The following NR2F1-AS1 variants were observed in gnomAD, a reference collection of about 807,000 sequenced individuals.
NR2F1-AS1 encodes NR2F1 antisense RNA 1.
At chr5:93,422,719 C>T (rs888271341) in intron 4 of NR2F1-AS1, among the ~76,000 whole-genome samples, 2 of 152,154 alleles carry the variant, frequency 1.3e-5, no homozygotes, top group African/African-American at 4.8e-5. Flanking sequence ...GTGTCCCCTA[C>T]CTCAGTAAAC....
At chr5:93,468,299 G>A (rs1350280159) in intron 4 of NR2F1-AS1, among the ~76,000 whole-genome samples, 1 of 151,940 alleles carries the variant, frequency 6.6e-6, no homozygotes, top group African/African-American at 2.4e-5. Context: ...TTCTCCACAT[G>A]CTCTCCAGCA....
At chr5:93,467,541 A>G (rs1223772449) in intron 4 of NR2F1-AS1, among the ~76,000 whole-genome samples, 1 of 152,198 alleles carries the variant, frequency 6.6e-6, no homozygotes, top group African/African-American at 2.4e-5. Context: ...AGTCCCAACT[A>G]CTGCCATCAA....
intron 4 of NR2F1-AS1, among the ~76,000 whole-genome samples, chr5:93,531,804 C>T (rs975290639): frequency 1.4e-4 from 21 of 152,174 alleles, no homozygotes; most frequent in Admixed American, 8.5e-4. Context: ...ACTAGTAAGG[C>T]AGACTAACAC....
At chr5:93,515,848 T>C (rs1451386152) in intron 4 of NR2F1-AS1, among the ~76,000 whole-genome samples, 1 of 151,956 alleles carries the variant, frequency 6.6e-6, no homozygotes, top group Non-Finnish European at 1.5e-5. Context: ...TTTTTACTTA[T>C]TTATGGTTAA....
In NR2F1-AS1 at chr5:93,413,600, A is replaced by G. The variant is rs868445332; in HGVS notation, n.639-18058T>C. 3.9e-5 allele frequency among the ~76,000 whole-genome samples: 6 copies of G among 152,180 alleles called. No homozygotes were observed. In the South Asian group the frequency reaches 1.0e-3, roughly 26 times the overall value. On this transcript the variant is annotated intron_variant and non_coding_transcript_variant, in intron 4 of 5. Transcript: ENST00000660523. The stretch of plus-strand genomic sequence containing the variant: ...GGGGTAGGAGGGCCAGGGCCCAGGT[A>G]GGCTAAGAACGTATGTGCATGTATT...
rs951304222 is a variant in NR2F1-AS1, at chr5:93,491,451, AT to A, written n.638+62309del. On this transcript the variant is annotated intron_variant and non_coding_transcript_variant, in intron 4 of 5. Coordinates refer to ENST00000660523, the Ensembl canonical transcript of NR2F1-AS1. ...ACAGAATGAAGTTCTGGAAACCAAA[AT>A]TTTTTTTTAAATGAACTGTAATGAT... is the stretch of plus-strand genomic sequence containing the variant. Among the ~76,000 whole-genome samples the A allele has an allele frequency of 1.1e-3, 161 of 151,628 alleles. 2 individuals carry two copies. The highest frequency in any genetic ancestry group is 3.2e-3 in the African/African-American group (132 of 41,334).
intron 2 of NR2F1-AS1, among the ~76,000 whole-genome samples, chr5:93,562,153 G>T (rs1752503214): frequency 8.2e-6 from 1 of 122,152 alleles, no homozygotes; most frequent in Admixed American, 9.1e-5. Flanking sequence ...TATAAGGCCA[G>T]CCTGGGCAAC....
intron 4 of NR2F1-AS1, among the ~76,000 whole-genome samples, chr5:93,457,663 C>T (rs1749981831): frequency 1.3e-5 from 2 of 152,056 alleles, no homozygotes; most frequent in Admixed American, 6.5e-5. Flanking sequence ...CTGCTAGGTA[C>T]ACCTGCACAC....
At chr5:93,451,339 A>G (rs1161360625) in intron 4 of NR2F1-AS1, among the ~76,000 whole-genome samples, 1 of 148,858 alleles carries the variant, frequency 6.7e-6, no homozygotes, top group East Asian at 1.9e-4. Context: ...AAAAAAAAAA[A>G]GCTGGCAACT....
chr5:93,576,845 A>T (rs1045736927), intron 1 of NR2F1-AS1, among the ~76,000 whole-genome samples: 1 of 152,158 alleles, frequency 6.6e-6, no homozygotes, highest in Admixed American at 6.5e-5. Context: ...CAACCTTCAG[A>T]CTCATTTCAA....
intron 4 of NR2F1-AS1, among the ~76,000 whole-genome samples, chr5:93,538,431 C>T (rs1010839244): frequency 5.9e-5 from 9 of 152,072 alleles, no homozygotes; most frequent in African/African-American, 1.4e-4. Flanking sequence ...GCCATAACTG[C>T]GCCACTGCAC....
At chr5:93,457,560 T>G (rs531556169) in intron 4 of NR2F1-AS1, among the ~76,000 whole-genome samples, 1 of 152,244 alleles carries the variant, frequency 6.6e-6, no homozygotes, top group East Asian at 1.9e-4. Context: ...CAGTCTGATC[T>G]CTCTTTCTCT....
intron 4 of NR2F1-AS1, among the ~76,000 whole-genome samples, chr5:93,480,524 A>G (rs1488697629): frequency 1.3e-5 from 2 of 152,198 alleles, no homozygotes. Context: ...AAATAAAATG[A>G]TACTAAACAG....
At chr5:93,490,847 A>C (rs1310984397) in intron 4 of NR2F1-AS1, among the ~76,000 whole-genome samples, 1 of 118,540 alleles carries the variant, frequency 8.4e-6, no homozygotes, top group Non-Finnish European at 1.8e-5. Context: ...GTGGTGGTGC[A>C]GTGGTGGTGG....
intron 4 of NR2F1-AS1, among the ~76,000 whole-genome samples, chr5:93,423,517 G>A (rs1451233410): frequency 6.6e-6 from 1 of 152,160 alleles, no homozygotes; most frequent in Non-Finnish European, 1.5e-5. Context: ...CCTGAATACA[G>A]ACTCAAACAT....
intron 4 of NR2F1-AS1, among the ~76,000 whole-genome samples, chr5:93,424,302 ATTATAT>A (rs1402896924): frequency 6.8e-6 from 1 of 147,132 alleles, no homozygotes; most frequent in Non-Finnish European, 1.5e-5. Context: ...AGTACATTAT[ATTATAT>A]TTTCTAATAT....
intron 4 of NR2F1-AS1, among the ~76,000 whole-genome samples, chr5:93,522,164 T>G (rs73133275): frequency 1.3e-5 from 2 of 151,970 alleles, no homozygotes; most frequent in East Asian, 3.9e-4. Context: ...TGATAACTTA[T>G]GAACACAAAG....
intron 4 of NR2F1-AS1, among the ~76,000 whole-genome samples, chr5:93,421,332 A>T (rs571366512): frequency 1.1e-3 from 172 of 152,216 alleles, no homozygotes; most frequent in Middle Eastern, 6.8e-3. Context: ...TCCAGTAAGA[A>T]AAGGCTTCTT....
chr5:93,565,831 AAT>A (rs375308670), intron 1 of NR2F1-AS1, among the ~76,000 whole-genome samples: 136 of 151,050 alleles, frequency 9.0e-4, no homozygotes, highest in African/African-American at 2.7e-3. Context: ...AATGTGCTAA[AAT>A]ATATATATAT....
Sources: gnomAD v4.1 joint callset for allele counts (sites outside exome capture counted in the v4.1 genomes callset) on GRCh38, gnomAD v4.1.1 for gene constraint, MANE v1.5 for transcripts, NCBI Gene and HGNC (gene_info 2026-07-23, HGNC 2026-07-21) for gene names.